MTUS2: variants seen among roughly 807,000 people sequenced by gnomAD.
The protein encoded by MTUS2 is microtubule associated scaffold protein 2, also known as microtubule-associated tumor suppressor candidate 2.
In MTUS2, 40 loss-of-function variants were observed where a neutral mutation model predicts 114.1. That is an observed-to-expected ratio of 0.35 (90% CI 0.27 to 0.46). MTUS2 has a LOEUF of 0.46. Ranked by LOEUF, MTUS2 falls within the 20% of genes least tolerant of loss-of-function variation. The pLI, the probability that MTUS2 is intolerant of heterozygous loss-of-function variation, is 1.00. For synonymous variants in MTUS2, 688 were observed against 672.0 expected (o/e 1.02, Z -0.37); for missense variants, 1,679 against 1,705.4 (o/e 0.98, Z 0.27).
At chr13:29,374,067 A>G (rs867684139) in intron 8 of MTUS2, among the ~76,000 whole-genome samples, 6 of 152,354 alleles carry the variant, frequency 3.9e-5, no homozygotes, top group South Asian at 2.1e-4. Context: ...GCTAAAAAAT[A>G]CAATAACCAA....
chr13:29,310,358 C>G (rs146364568), intron 6 of MTUS2, among the ~76,000 whole-genome samples: 1 of 152,288 alleles, frequency 6.6e-6, no homozygotes, highest in African/African-American at 2.4e-5. Flanking sequence ...CCTAATTCCA[C>G]CTCCAACTTG....
intron 7 of MTUS2, among the ~76,000 whole-genome samples, chr13:29,332,507 G>C (rs1312607823): frequency 6.8e-6 from 1 of 146,794 alleles, no homozygotes; most frequent in Non-Finnish European, 1.5e-5. Flanking sequence ...CAAAAAACAA[G>C]CTCCTGGATT....
chr13:29,303,983 C>G (rs904790439), intron 6 of MTUS2, among the ~76,000 whole-genome samples: 4 of 152,154 alleles, frequency 2.6e-5, no homozygotes, highest in African/African-American at 9.7e-5. Context: ...GGCCAATAGT[C>G]AACATTCTTA....
At chr13:28,896,335 A>G (rs1030815383) in intron 2 of MTUS2, among the ~76,000 whole-genome samples, 1 of 152,354 alleles carries the variant, frequency 6.6e-6, no homozygotes. Context: ...CTACGAATCC[A>G]ACTTACAAGG....
chr13:29,112,486 C>T (rs1451520702), intron 5 of MTUS2, among the ~76,000 whole-genome samples: 1 of 152,122 alleles, frequency 6.6e-6, no homozygotes, highest in Non-Finnish European at 1.5e-5. Context: ...AGGCAGAAAT[C>T]AGGTTACAAG....
intron 2 of MTUS2, among the ~76,000 whole-genome samples, chr13:28,968,158 T>G (rs1287233275): frequency 6.6e-6 from 1 of 152,224 alleles, no homozygotes; most frequent in Non-Finnish European, 1.5e-5. Context: ...GGTATCATTG[T>G]GTCTCATTTT....
At chr13:29,181,301 C>T (rs1351838909) in intron 5 of MTUS2, among the ~76,000 whole-genome samples, 1 of 152,136 alleles carries the variant, frequency 6.6e-6, no homozygotes, top group Non-Finnish European at 1.5e-5. Flanking sequence ...AATGGTCTTC[C>T]TCAGGGACCC....
chr13:28,840,430 T>C (rs1875395931), intron 2 of MTUS2, among the ~76,000 whole-genome samples: 1 of 152,232 alleles, frequency 6.6e-6, no homozygotes, highest in African/African-American at 2.4e-5. Context: ...TTGTGCAAAT[T>C]AGACAAAGGC....
intron 5 of MTUS2, among the ~76,000 whole-genome samples, chr13:29,189,200 G>A (rs990378977): frequency 1.3e-5 from 2 of 152,342 alleles, no homozygotes; most frequent in East Asian, 3.9e-4. Flanking sequence ...GTGGCACACA[G>A]GAGGAGAGGG....
At chr13:28,838,789 G>T (rs1875268704) in intron 1 of MTUS2, among the ~76,000 whole-genome samples, 1 of 142,532 alleles carries the variant, frequency 7.0e-6, no homozygotes, top group South Asian at 2.1e-4. Context: ...GGGACTGGGT[G>T]GGAAGAAAGA....
intron 5 of MTUS2, among the ~76,000 whole-genome samples, chr13:29,200,648 G>A (rs1005773900): frequency 6.7e-6 from 1 of 149,392 alleles, no homozygotes; most frequent in Non-Finnish European, 1.5e-5. Flanking sequence ...AGCCTCCCAA[G>A]TAGTGGGAAT....
intron 5 of MTUS2, among the ~76,000 whole-genome samples, chr13:29,174,476 A>G (rs1367078321): frequency 6.6e-6 from 1 of 152,210 alleles, no homozygotes; most frequent in Non-Finnish European, 1.5e-5. Context: ...TCCATACTGA[A>G]TTACGGAATT....
At chr13:28,952,460 CT>C (rs1334471279) in intron 2 of MTUS2, among the ~76,000 whole-genome samples, 3 of 152,208 alleles carry the variant, frequency 2.0e-5, no homozygotes, top group Non-Finnish European at 4.4e-5. Context: ...AACTGCATCT[CT>C]TTTTTCCTAA....
At chr13:29,008,556 CAT>C (rs1024795107) in intron 2 of MTUS2, among the ~76,000 whole-genome samples, 1 of 152,136 alleles carries the variant, frequency 6.6e-6, no homozygotes, top group Non-Finnish European at 1.5e-5. Flanking sequence ...GGGGAATATA[CAT>C]ATGTTTGAAT....
chr13:29,148,596 A>G (rs2139030486), intron 5 of MTUS2, among the ~76,000 whole-genome samples: 1 of 108,716 alleles, frequency 9.2e-6, no homozygotes, highest in South Asian at 3.4e-4. Flanking sequence ...CTCCTGCCTC[A>G]GCCTCCCAAG....
intron 5 of MTUS2, among the ~76,000 whole-genome samples, chr13:29,227,657 A>G (rs1332510451): frequency 6.6e-6 from 1 of 152,214 alleles, no homozygotes; most frequent in Non-Finnish European, 1.5e-5. Context: ...ATAGGCAGGA[A>G]TGCTATCTCT....
intron 2 of MTUS2, among the ~76,000 whole-genome samples, chr13:28,875,705 G>C (rs1040614562): frequency 3.3e-5 from 5 of 152,146 alleles, no homozygotes; most frequent in Admixed American, 3.3e-4. Context: ...ATTTTCAACA[G>C]CTTGGGATGA....
chr13:29,280,981 G>A (rs1405345823), intron 5 of MTUS2, among the ~76,000 whole-genome samples: 1 of 152,228 alleles, frequency 6.6e-6, no homozygotes, highest in Non-Finnish European at 1.5e-5. Flanking sequence ...TATCTTCAGA[G>A]TCTCAGAGCA....
chr13:29,367,010 T>C (rs752858853), intron 8 of MTUS2, among the ~76,000 whole-genome samples: 1 of 152,172 alleles, frequency 6.6e-6, no homozygotes, highest in South Asian at 2.1e-4. Context: ...ATTCCAAAGA[T>C]AGGGAATGGT....
Sources: allele counts gnomAD v4.1 joint callset (sites outside exome capture counted in the v4.1 genomes callset), GRCh38; gene constraint gnomAD v4.1.1; transcripts MANE v1.5; gene names NCBI Gene and HGNC (gene_info 2026-07-23, HGNC 2026-07-21).